The following HMCN2 variants were observed in gnomAD, a reference collection of about 807,000 sequenced individuals.
The protein encoded by HMCN2 is hemicentin 2, also known as hemicentin-2.
HMCN2 carries 325 observed loss-of-function variants against 377.5 expected under a neutral mutation model. The ratio of observed to expected loss-of-function variants is 0.86; its 90% confidence interval spans 0.79 to 0.94. The LOEUF is 0.94. Ranked by LOEUF, HMCN2 falls within the 40% of genes least tolerant of loss-of-function variation. The pLI is 0.00. For missense variants in HMCN2, 4,543 were observed against 4,725.3 expected (o/e 0.96, Z 1.13); for synonymous variants, 2,007 against 2,046.8 (o/e 0.98, Z 0.53).
chr9:130,424,840 TG>T lies in HMCN2; in HGVS notation c.13450del (p.Glu4484LysfsTer3). 6.6e-7 allele frequency: 1 copy of T among 1,506,232 alleles called. No individual in the cohort carries two copies. Among genetic ancestry groups the T allele is most frequent in the Non-Finnish European group, 8.9e-7 (1 of 1,122,828 alleles). The allele number at this position is 1,506,232 out of a possible 1,614,324, so 93.3% of individuals were successfully genotyped here. A position where few individuals can be genotyped will look rare whatever the true frequency, so the allele number is the denominator to read the frequency against. On this transcript the variant is annotated frameshift_variant, in exon 88 of 98. Coordinates refer to ENST00000683500, the MANE Select transcript of HMCN2 (RefSeq NM_001291815.2). LOFTEE classifies it high-confidence loss of function. ...PIYWALARES[G>X]EALNGHSLTG... ...TCTACTGGGCCCTGGCCAGAGAGAG[TG>T]GGGAAGCCCTGAATGGCCACTCTCT...
At chr9:130,420,885 A>T (rs1438656492) in intron 86 of HMCN2, among the ~76,000 whole-genome samples, 2 of 152,068 alleles carry the variant, frequency 1.3e-5, no homozygotes, top group African/African-American at 2.4e-5. Context: ...GTAGCATTCA[A>T]TCCATAACCC....
chr9:130,418,065 C>T (rs1207260211), intron 85 of HMCN2, among the ~76,000 whole-genome samples: 2 of 152,130 alleles, frequency 1.3e-5, no homozygotes, highest in African/African-American at 2.4e-5. Flanking sequence ...TGACAGAGCA[C>T]GAGTTTGCCC....
In HMCN2 at chr9:130,403,799, G is replaced by A; in HGVS notation, c.12072G>A (p.Glu4024=). ...GQLRIAHASP[E]DAGNYLCIAK... ...TGCGGATTGCCCATGCCAGCCCAGA[G>A]GATGCTGGAAACTATCTCTGCATCG... is the stretch of plus-strand genomic sequence containing the variant. The change falls in exon 80 of 98, where the codon GAG becomes GAA. Residue 4024 remains glutamate (E), a synonymous_variant. Transcript: ENST00000683500. 7.8e-7 allele frequency: 1 copy of A among 1,289,832 alleles called. No homozygotes were observed. The highest frequency in any genetic ancestry group is 1.2e-5 in the South Asian group (1 of 81,020). 79.9% of individuals were successfully genotyped at this position (1,289,832 alleles called of 1,614,324 possible).
chr9:130,317,403 C>T (rs1014488926), intron 15 of HMCN2, among the ~76,000 whole-genome samples: 3 of 151,588 alleles, frequency 2.0e-5, no homozygotes, highest in African/African-American at 4.8e-5. Context: ...ACTTGAGCCT[C>T]GAGGCTGCAG....
At chr9:130,379,765 G>A (rs1335852101) in intron 54 of HMCN2, among the ~76,000 whole-genome samples, 4 of 152,192 alleles carry the variant, frequency 2.6e-5, no homozygotes, top group Non-Finnish European at 5.9e-5. Context: ...TTTGTTAATC[G>A]TCAACAAAGC....
At position 130,347,821 on chromosome 9, in the gene HMCN2, GT is replaced by G. The variant is rs2131506349; in HGVS notation, c.4024+464del. Among the ~76,000 whole-genome samples the G allele has an allele frequency of 6.6e-6, 1 of 152,314 alleles. No individual in the cohort carries two copies. The highest frequency in any genetic ancestry group is 1.5e-5 in the Non-Finnish European group (1 of 68,020). On this transcript the variant is annotated intron_variant, in intron 26 of 97. Transcript: ENST00000683500. This position sits in a 1 kb window ranked among gnomAD's most constrained non-coding sequence, Gnocchi z 5.1. ...GCTTGAGCCCAGGAGATCGAGACCA[GT>G]TTGGGAGAGAGAGACCCTGTCTCTA...
intron 84 of HMCN2, among the ~76,000 whole-genome samples, chr9:130,409,315 A>C (rs957078426): frequency 6.6e-6 from 1 of 152,338 alleles, no homozygotes; most frequent in African/African-American, 2.4e-5. Flanking sequence ...AAGACACTGA[A>C]GTTCAGAGAG....
At position 130,419,034 on chromosome 9, in the gene HMCN2, C is replaced by G. The variant is rs1373170308; in HGVS notation, c.13224C>G (p.Val4408=). Residue 4408 remains valine, a synonymous_variant, in exon 86 of 98, where the codon GTC becomes GTG. Coordinates refer to ENST00000683500, the MANE Select transcript of HMCN2 (RefSeq NM_001291815.2). ...CTGCCACAGCCCGGGCGTTCCTGGT[C>G]GTGAGAGGTATGGGGCATCCCTGTC... ...LGSATARAFL[V]VRGEPQGSWG... 6.7e-7 allele frequency: 1 copy of G among 1,489,040 alleles called. No homozygotes were observed. Among genetic ancestry groups the G allele is most frequent in the Non-Finnish European group, 9.0e-7 (1 of 1,114,914 alleles). The allele number at this position is 1,489,040 out of a possible 1,614,324, so 92.2% of individuals were successfully genotyped here.
chr9:130,348,515 A>G (rs1188057244), intron 26 of HMCN2, 30 bp from the exon 27 acceptor site: 4 of 1,301,296 alleles, frequency 3.1e-6, no homozygotes, highest in Non-Finnish European at 4.0e-6. Flanking sequence ...GGGGCAGGGA[A>G]GCAGCTCCTC....
intron 85 of HMCN2, among the ~76,000 whole-genome samples, chr9:130,416,735 A>G (rs1843718501): frequency 6.6e-6 from 1 of 152,126 alleles, no homozygotes; most frequent in Non-Finnish European, 1.5e-5. Flanking sequence ...TTTAGGACAC[A>G]CTGGCTGTGG....
chr9:130,383,976 G>T (rs144231951), intron 57 of HMCN2, among the ~76,000 whole-genome samples: 1,908 of 152,278 alleles, frequency 0.013, 21 homozygotes, highest in Non-Finnish European at 0.02. Context: ...AGTGGGATTG[G>T]GGGGGTCTCA....
chr9:130,391,905 A>G, intron 65 of HMCN2, 30 bp from the exon 66 acceptor site: 1 of 983,510 alleles, frequency 1.0e-6, no homozygotes, highest in Non-Finnish European at 1.2e-6. Context: ...AGACCTCCGC[A>G]CTACCCCTCT....
rs1342276152 is a variant in HMCN2, at chr9:130,394,552, G to A, written c.10669G>A (p.Val3557Met). ...RLENNSRATR[V>M]LRVENVQVRD... The stretch of plus-strand genomic sequence containing the variant: ...GGAGAACAACAGCAGAGCCACACGG[G>A]TGCTCCGGGTGGAGAATGTGCAGGT... Residue 3557 changes from valine (V) to methionine (M), a missense_variant, in exon 69 of 98, where the codon GTG becomes ATG. Physicochemically the swap from Val to Met is conservative, Grantham distance 21. Transcript: ENST00000683500. The surrounding 1 kb of genome is among the most constrained non-coding windows in gnomAD (Gnocchi z 5.1). 3.1e-6 allele frequency: 4 copies of A among 1,288,692 alleles called. No homozygotes were observed. The highest frequency in any genetic ancestry group is 1.5e-5 in the African/African-American group (1 of 65,974). The allele number at this position is 1,288,692 out of a possible 1,614,324, so 79.8% of individuals were successfully genotyped here. A position where few individuals can be genotyped will look rare whatever the true frequency, so the allele number is the denominator to read the frequency against.
chr9:130,422,070 A>C lies in HMCN2; in HGVS notation c.13232-507A>C, dbSNP rs1377611597. On this transcript the variant is annotated intron_variant, in intron 86 of 97. Transcript: ENST00000683500. The surrounding 1 kb of genome is among the most constrained non-coding windows in gnomAD (Gnocchi z 4.2). The stretch of plus-strand genomic sequence containing the variant: ...ATGGCCTGGCGGGCAGCGGCTAGGA[A>C]ACCAGCCCACCCGGCCAGGCCAGCT... 6.6e-6 allele frequency among the ~76,000 whole-genome samples: 1 copy of C among 152,226 alleles called. No homozygotes were observed. Among genetic ancestry groups the C allele is most frequent in the Non-Finnish European group, 1.5e-5 (1 of 68,032 alleles).
At chr9:130,390,212 C>T (rs1012500517) in intron 62 of HMCN2, among the ~76,000 whole-genome samples, 5 of 152,222 alleles carry the variant, frequency 3.3e-5, no homozygotes, top group Non-Finnish European at 7.3e-5. Flanking sequence ...TCAACATTCA[C>T]GTCTCAGCGG....
Position 130,414,998 on chromosome 9 carries a change from CT to C in HMCN2, c.12962-3773del, listed in dbSNP as rs1274273172. Among the ~76,000 whole-genome samples the C allele has an allele frequency of 2.0e-5, 3 of 152,108 alleles. No individual in the cohort carries two copies. Among genetic ancestry groups the C allele is most frequent in the African/African-American group, 7.2e-5 (3 of 41,408 alleles). On this transcript the variant is annotated intron_variant, in intron 85 of 97. Coordinates refer to ENST00000683500, the MANE Select transcript of HMCN2 (RefSeq NM_001291815.2). This position sits in a 1 kb window ranked among gnomAD's most constrained non-coding sequence, Gnocchi z 4.4. ...GAGTGGGGAGCAATAAGCAGTGCCC[CT>C]CTCCCTCCCAGCCAGGATGGTGCCA...
At chr9:130,385,988 C>G (rs1166340641) in intron 60 of HMCN2, among the ~76,000 whole-genome samples, 1 of 152,192 alleles carries the variant, frequency 6.6e-6, no homozygotes, top group African/African-American at 2.4e-5. Context: ...GGCATGAGCC[C>G]TTCCTGCCTC....
intron 53 of HMCN2, 27 bp downstream of exon 53, chr9:130,377,826 G>T: frequency 1.0e-6 from 1 of 985,942 alleles, no homozygotes; most frequent in East Asian, 1.1e-4. Context: ...GGCCAGGGGT[G>T]GGGCGTCAGC....
chr9:130,344,712 G>C (rs1190869734), intron 25 of HMCN2, among the ~76,000 whole-genome samples: 1 of 148,380 alleles, frequency 6.7e-6, no homozygotes, highest in Non-Finnish European at 1.5e-5. Context: ...ATGATGTGTA[G>C]TGTGTGGTGC....
Sources: allele counts gnomAD v4.1 joint callset (sites outside exome capture counted in the v4.1 genomes callset), GRCh38; gene constraint gnomAD v4.1.1; non-coding constraint Gnocchi (gnomAD v3.1); transcripts MANE v1.5; gene names NCBI Gene and HGNC (gene_info 2026-07-23, HGNC 2026-07-21).